The following TBCK variants were observed in gnomAD, a reference collection of about 807,000 sequenced individuals.
TBCK encodes the protein TBC domain-containing protein kinase-like protein.
A neutral mutation model predicts 113.4 loss-of-function variants in TBCK; 99 were observed. The ratio of observed to expected loss-of-function variants is 0.87; its 90% CI spans 0.74 to 1.03. The LOEUF (loss-of-function observed/expected upper bound fraction) is 1.03. Ranked by LOEUF, TBCK falls within the 50% of genes least tolerant of loss-of-function variation. TBCK has a pLI of 0.00. For missense variants in TBCK, 1,045 were observed against 1,061.3 expected (o/e 0.98, Z 0.21); for synonymous variants, 369 against 370.8 (o/e 1.00, Z 0.05).
intron 22 of TBCK, 109 bp downstream of exon 22, chr4:106,193,500 C>T (rs1378327798): frequency 8.8e-7 from 1 of 1,132,214 alleles, no homozygotes; most frequent in Non-Finnish European, 1.3e-6. Flanking sequence ...GAGGCCCAAA[C>T]AGAAGAGATG....
At chr4:106,188,566 C>A (rs1753298473) in intron 22 of TBCK, among the ~76,000 whole-genome samples, 1 of 152,000 alleles carries the variant, frequency 6.6e-6, no homozygotes, top group South Asian at 2.1e-4. Flanking sequence ...TTTCACAAAC[C>A]AGAAACCCTT....
intron 23 of TBCK, among the ~76,000 whole-genome samples, chr4:106,148,316 C>A (rs1202643167): frequency 6.6e-6 from 1 of 152,160 alleles, no homozygotes; most frequent in Non-Finnish European, 1.5e-5. Flanking sequence ...CTAATAAAAA[C>A]TTGCTGGTTT....
chr4:106,113,634 C>G (rs1031383177), intron 24 of TBCK, among the ~76,000 whole-genome samples: 7 of 152,042 alleles, frequency 4.6e-5, no homozygotes, highest in African/African-American at 1.7e-4. Flanking sequence ...AGAAAATGAC[C>G]CTATAGGACC....
At chr4:106,310,442 GA>G (rs1338956978) in intron 1 of TBCK, 3 of 152,154 alleles carry the variant, frequency 2.0e-5, no homozygotes, top group Non-Finnish European at 1.5e-5. Context: ...TCAGAAGGGT[GA>G]AGTGTTGAAT....
At chr4:106,155,257 G>C (rs1331688172) in intron 23 of TBCK, among the ~76,000 whole-genome samples, 3 of 151,268 alleles carry the variant, frequency 2.0e-5, no homozygotes, top group Non-Finnish European at 4.4e-5. Flanking sequence ...TATGTTATTT[G>C]TTTCTTTTAT....
intron 1 of TBCK, among the ~76,000 whole-genome samples, chr4:106,315,306 G>C (rs1373258615): frequency 6.6e-6 from 1 of 150,914 alleles, no homozygotes; most frequent in Non-Finnish European, 1.5e-5. Context: ...TGCCCTCAAA[G>C]AACTTAGAGT....
At chr4:106,129,761 T>G (rs1404170571) in intron 23 of TBCK, among the ~76,000 whole-genome samples, 2 of 152,214 alleles carry the variant, frequency 1.3e-5, no homozygotes, top group African/African-American at 2.4e-5. Flanking sequence ...GTATTCTGGT[T>G]ATCTTCTGTT....
chr4:106,217,906 G>A lies in TBCK; in HGVS notation c.1775-5071C>T, dbSNP rs1485093929. ...ATGGAACCAAAAAAGAGCCCGCATC[G>A]CCAAGTCAATCCTAAGCCAAAAGAA... On this transcript the variant is annotated intron_variant, in intron 19 of 25. Coordinates refer to ENST00000394708, the MANE Select transcript of TBCK (RefSeq NM_001163435.3). Among the ~76,000 whole-genome samples the A allele has an allele frequency of 2.3e-3, 330 of 144,276 alleles. 2 individuals carry two copies. Among genetic ancestry groups the A allele is most frequent in the African/African-American group, 7.8e-3 (311 of 40,040 alleles). 94.7% of individuals were successfully genotyped at this position (144,276 alleles called of 152,430 possible). A position where few individuals can be genotyped will look rare whatever the true frequency, so the allele number is the denominator to read the frequency against.
chr4:106,134,655 C>T (rs930028858), intron 23 of TBCK, among the ~76,000 whole-genome samples: 1 of 152,194 alleles, frequency 6.6e-6, no homozygotes, highest in Admixed American at 6.5e-5. Flanking sequence ...CTCAAATTCT[C>T]CCCTTGCAAG....
chr4:106,149,989 A>C (rs2149678504), intron 23 of TBCK, among the ~76,000 whole-genome samples: 1 of 152,352 alleles, frequency 6.6e-6, no homozygotes, highest in South Asian at 2.1e-4. Context: ...TTCTCACTCT[A>C]ATTTATTTCC....
intron 22 of TBCK, among the ~76,000 whole-genome samples, chr4:106,189,342 C>CAAAAAAA (rs1189938399): frequency 3.4e-5 from 2 of 59,462 alleles, no homozygotes; most frequent in African/African-American, 1.0e-4. Flanking sequence ...GACTCCATCT[C>CAAAAAAA]AAAAAAAAAA....
Position 106,116,207 on chromosome 4 carries a change from C to A in TBCK, c.2407G>T (p.Glu803Ter). 6.2e-7 allele frequency: 1 copy of A among 1,613,846 alleles called. No individual in the cohort carries two copies. The highest frequency in any genetic ancestry group is 8.5e-7 in the Non-Finnish European group (1 of 1,179,948). The stretch of plus-strand genomic sequence containing the variant: ...AACAGCATATGCAAAGGATACTCTT[C>A]ACTATTCCGGATGTCAACCACCAGG... ...KLLVVDIRNS[E>*]DFIRGHISGS... Residue 803 changes from glutamate (E) to a stop codon, truncating the protein, a stop_gained, in exon 24 of 26, where the codon GAA (glutamate) becomes TAA (stop). Coordinates refer to ENST00000394708, the MANE Select transcript of TBCK (RefSeq NM_001163435.3). LOFTEE classifies it high-confidence loss of function.
chr4:106,167,083 T>C (rs900802227), intron 23 of TBCK, among the ~76,000 whole-genome samples: 2 of 149,012 alleles, frequency 1.3e-5, no homozygotes, highest in Admixed American at 6.8e-5. Context: ...TATTCATATA[T>C]ATAGGGGTGT....
intron 2 of TBCK, among the ~76,000 whole-genome samples, chr4:106,295,607 T>C (rs920861949): frequency 1.3e-5 from 2 of 152,076 alleles, no homozygotes; most frequent in Non-Finnish European, 1.5e-5. Context: ...TGAAAAAAAG[T>C]AGAAATGATC....
At chr4:106,078,447 G>T (rs957152292) in intron 25 of TBCK, among the ~76,000 whole-genome samples, 2 of 152,044 alleles carry the variant, frequency 1.3e-5, no homozygotes, top group Non-Finnish European at 2.9e-5. Context: ...AGTGACAAAG[G>T]TGACATTTCA....
At chr4:106,145,624 G>A (rs75267087) in intron 23 of TBCK, among the ~76,000 whole-genome samples, 2,071 of 152,220 alleles carry the variant, frequency 0.014, 53 homozygotes, top group African/African-American at 0.047. Flanking sequence ...GCGAAAACAT[G>A]ATCTAGAAGA....
At chr4:106,251,102 A>C (rs1392786317) in intron 6 of TBCK, 1 of 384,740 alleles carries the variant, frequency 2.6e-6, no homozygotes, top group Non-Finnish European at 5.2e-6. Context: ...GAGTTGAGCA[A>C]TGATTGTGTG....
At position 106,250,848 on chromosome 4, in the gene TBCK, C is replaced by T. The variant is rs367918394; in HGVS notation, c.598-370G>A. On this transcript the variant is annotated intron_variant, in intron 6 of 25. Transcript: ENST00000394708. ...CTGGGTAAGACTGATTATACTCTTT[C>T]GCCTACCGAGCTAATTCTTACTTAA... 4.6e-5 allele frequency among the ~76,000 whole-genome samples: 7 copies of T among 151,850 alleles called. 1 individual carries two copies. Among genetic ancestry groups the T allele is most frequent in the Admixed American group, 1.3e-4 (2 of 15,210 alleles).
chr4:106,235,435 C>T (rs1415269169), intron 14 of TBCK, 68 bp from the exon 15 acceptor site: 3 of 982,416 alleles, frequency 3.1e-6, no homozygotes, highest in African/African-American at 1.7e-5. Flanking sequence ...CTAGACAGTT[C>T]TGAATATACC....
Sources: allele counts gnomAD v4.1 joint callset (sites outside exome capture counted in the v4.1 genomes callset), GRCh38; gene constraint gnomAD v4.1.1; transcripts MANE v1.5; gene names NCBI Gene and HGNC (gene_info 2026-07-23, HGNC 2026-07-21).